The following IGFLR1 variants were observed in gnomAD, a reference collection of about 807,000 sequenced individuals.
IGFLR1 encodes IGF-like family receptor 1.
In IGFLR1, 17 loss-of-function variants were observed where a neutral mutation model predicts 23.4. That is an observed-to-expected ratio of 0.73 (90% CI 0.50 to 1.09). The LOEUF is 1.09. Among genes scored for constraint, IGFLR1 ranks in the 50% least tolerant of loss-of-function variants. The pLI is 0.00. For missense variants in IGFLR1, 556 were observed against 459.2 expected, an observed-to-expected ratio of 1.21 and a Z score of -1.93; for synonymous variants, 265 against 210.7, an observed-to-expected ratio of 1.26 and a Z score of -2.23.
rs140694787 is a variant in IGFLR1 at position 35,739,339 on chromosome 19, G to A, written c.1009C>T (p.Arg337Trp). 2.5e-4 allele frequency: 399 copies of A among 1,610,142 alleles called. No homozygotes were observed. Among genetic ancestry groups the A allele is most frequent in the Non-Finnish European group, 3.2e-4 (376 of 1,178,312 alleles). ...GACAGCACCCGCAATGCATCTGCCCGCCCTAGCTGGGCGAGGTGTGTGCCA... is the reference window on the plus strand; with the variant it reads ...GACAGCACCCGCAATGCATCTGCCCACCCTAGCTGGGCGAGGTGTGTGCCA... Reference protein sequence around the residue: ...QLGTHLAQLGRADALRVLSKL... With the variant: ...QLGTHLAQLGWADALRVLSKL... The change falls in exon 5 of 5, where the codon CGG (arginine) becomes TGG (tryptophan). Residue 337 changes from arginine (R) to tryptophan (W), a missense_variant. Physicochemically the swap from Arg to Trp is moderately radical, Grantham distance 101 (BLOSUM62 -3). Coordinates refer to ENST00000246532, the MANE Select transcript of IGFLR1 (RefSeq NM_024660.4).
Position 35,739,620 on chromosome 19 carries a change from G to C in IGFLR1, c.728C>G (p.Ser243Cys), listed in dbSNP as rs1264783051. 6.2e-7 allele frequency: 1 copy of C among 1,610,622 alleles called. No individual in the cohort carries two copies. The highest frequency in any genetic ancestry group is 2.2e-5 in the East Asian group (1 of 44,762). Residue 243 changes from serine (S) to cysteine (C), a missense_variant, in exon 5 of 5, where the codon TCC (serine) becomes TGC (cysteine). Transcript: ENST00000246532. The part of the protein sequence containing the change: ...SLLPLLSREL[S>C]SLASQPLSRL... ...AGACAGGGGTTGTGACGCCAGACTG[G>C]ACAGTTCTGGAAGAAAGGGGAAGGG...
At chr19:35,742,329 C>G (rs1042253928) in intron 1 of IGFLR1, 67 bp downstream of exon 1, 1 of 1,310,298 alleles carries the variant, frequency 7.6e-7, no homozygotes. Context: ...GGTCTCTCCC[C>G]CTTGAATAAG....
chr19:35,740,822 G>C (rs536196790), intron 2 of IGFLR1: 1 of 647,742 alleles, frequency 1.5e-6, no homozygotes, highest in African/African-American at 1.8e-5. Context: ...CGCCTCTCCA[G>C]CCATATCCAT....
At chr19:35,740,820 C>T in intron 2 of IGFLR1, 1 of 645,378 alleles carries the variant, frequency 1.5e-6, no homozygotes, top group Non-Finnish European at 2.6e-6. Flanking sequence ...CCCGCCTCTC[C>T]AGCCATATCC....
intron 4 of IGFLR1, 42 bp from the exon 5 acceptor site, chr19:35,739,668 T>C: frequency 6.4e-7 from 1 of 1,573,012 alleles, no homozygotes; most frequent in South Asian, 1.2e-5. Flanking sequence ...AGAGCGGGCG[T>C]CCAGTCCACC....
In IGFLR1 at chr19:35,739,956, G is replaced by A; in HGVS notation, c.475C>T (p.Pro159Ser). Residue 159 changes from proline to serine, a missense_variant, in exon 4 of 5, where the codon CCG becomes TCG. Coordinates refer to ENST00000246532, the MANE Select transcript of IGFLR1 (RefSeq NM_024660.4). ...AGCACCACGAGCGGAAGGAAATTCG[G>A]CCAGGCCTGCTGAGGGACAGGCTCA... ...TPEPVPQQAW[P>S]NFLPLVVLVL... The A allele has an allele frequency of 6.2e-7, 1 of 1,614,138 alleles. No individual in the cohort carries two copies. The highest frequency in any genetic ancestry group is 8.5e-7 in the Non-Finnish European group (1 of 1,180,016).
rs749384435 is a variant in IGFLR1 at position 35,739,974 on chromosome 19, C to CA, written c.456dup (p.Val153CysfsTer104). 1.5e-5 allele frequency: 24 copies of CA among 1,614,160 alleles called. No individual in the cohort carries two copies. The Middle Eastern group carries it at 1.3e-3, about 89-fold the overall frequency. On this transcript the variant is annotated frameshift_variant, in exon 4 of 5. Transcript: ENST00000246532. LOFTEE classifies it high-confidence loss of function. ...AAATTCGGCCAGGCCTGCTGAGGGA[C>CA]AGGCTCAGGGGTCCTCCAGGCAATG... is the stretch of plus-strand genomic sequence containing the variant.
chr19:35,739,511 A>G lies in IGFLR1; in HGVS notation c.837T>C (p.His279=). Residue 279 remains histidine, a synonymous_variant, in exon 5 of 5, where the codon CAT becomes CAC. Coordinates refer to ENST00000246532, the MANE Select transcript of IGFLR1 (RefSeq NM_024660.4). ...TTGCGGCCAGGTGTCGAGTAGTGCCATGGGCCATACCCCCACCTGGCCCAG... is the reference window on the plus strand; with the variant it reads ...TTGCGGCCAGGTGTCGAGTAGTGCCGTGGGCCATACCCCCACCTGGCCCAG... The part of the protein sequence containing the change: ...PEPGPGGGMA[H]GTTRHLAARY... 3 of 1,614,060 alleles carry G rather than the reference A, an allele frequency of 1.9e-6. No individual in the cohort carries two copies. The highest frequency in any genetic ancestry group is 1.6e-4 in the Middle Eastern group (1 of 6,062).
chr19:35,739,826 A>C lies in IGFLR1; in HGVS notation c.605T>G (p.Leu202Trp). The C allele has an allele frequency of 6.2e-7, 1 of 1,606,348 alleles. No homozygotes were observed. Among genetic ancestry groups the C allele is most frequent in the Non-Finnish European group, 8.5e-7 (1 of 1,174,260 alleles). ...GTGGGTGTTGGGGACTCCGCAGACC[A>C]AGCCAGGATAGGGATAGGGGTCGGC... is the stretch of plus-strand genomic sequence containing the variant. ...EKADPYPYPG[L>W]VCGVPNTHTP... The change falls in exon 4 of 5, where the codon TTG (leucine) becomes TGG (tryptophan). Residue 202 changes from leucine to tryptophan, a missense_variant. Transcript: ENST00000246532.
Position 35,741,468 on chromosome 19 carries a change from A to C in IGFLR1, c.-43-245T>G, listed in dbSNP as rs1599719008. The stretch of plus-strand genomic sequence containing the variant: ...CCCTCCCTTTTCCATCCCTAAAATA[A>C]GACAATGATAGCACCTGTCTCATAG... On this transcript the variant is annotated intron_variant, in intron 1 of 4. Coordinates refer to ENST00000246532, the MANE Select transcript of IGFLR1 (RefSeq NM_024660.4). 3 of 451,500 alleles carry C rather than the reference A, an allele frequency of 6.6e-6. No homozygotes were observed. In the East Asian group the frequency reaches 1.4e-4, roughly 21 times the overall value. The allele number at this position is 451,500 out of a possible 1,614,324, so 28.0% of individuals were successfully genotyped here.
chr19:35,739,107 G>A lies in IGFLR1; in HGVS notation c.*173C>T, dbSNP rs2146485437. ...GGATTCTGGTGGCCCAGAGGCACCT[G>A]GGGTCAGCCCTCCCACATGTGGCCC... On this transcript the variant is annotated 3_prime_UTR_variant, in exon 5 of 5. Coordinates refer to ENST00000246532, the MANE Select transcript of IGFLR1 (RefSeq NM_024660.4). 1.5e-6 allele frequency: 1 copy of A among 651,020 alleles called. No homozygotes were observed. The highest frequency in any genetic ancestry group is 3.1e-5 in the Admixed American group (1 of 32,322). 40.3% of individuals were successfully genotyped at this position (651,020 alleles called of 1,614,324 possible).
At position 35,739,390 on chromosome 19, in the gene IGFLR1, C is replaced by T. The variant is rs756690029; in HGVS notation, c.958G>A (p.Glu320Lys). The change falls in exon 5 of 5, where the codon GAG (glutamate) becomes AAG (lysine). Residue 320 changes from glutamate to lysine, a missense_variant. By Grantham distance (56) the Glu-to-Lys change is moderately conservative (BLOSUM62 1). Transcript: ENST00000246532. ...RALIEMVVAR[E>K]PSASLGQLGT... is the part of the protein sequence containing the mutation. ...AGCTGGCCCAGGGAGGCAGAGGGCT[C>T]CCTTGCCACCACCATCTCAATCAGA... 4 of 1,613,386 alleles carry T rather than the reference C, an allele frequency of 2.5e-6. No homozygotes were observed.
intron 2 of IGFLR1, 98 bp from the exon 3 acceptor site, chr19:35,740,662 A>T (rs1244990828): frequency 2.5e-6 from 3 of 1,203,236 alleles, no homozygotes; most frequent in Non-Finnish European, 3.5e-6. Flanking sequence ...CCGCCCCTCC[A>T]GGACGCTTCC....
Position 35,738,865 on chromosome 19 carries a change from T to C in IGFLR1, c.*415A>G. 2.1e-6 allele frequency: 1 copy of C among 476,946 alleles called. No homozygotes were observed. The highest frequency in any genetic ancestry group is 3.0e-5 in the South Asian group (1 of 33,004). 29.5% of individuals were successfully genotyped at this position (476,946 alleles called of 1,614,324 possible). On this transcript the variant is annotated 3_prime_UTR_variant, in exon 5 of 5. Transcript: ENST00000246532. The surrounding 1 kb of genome is among the most constrained non-coding windows in gnomAD (Gnocchi z 8.7). The stretch of plus-strand genomic sequence containing the variant: ...GTGGGAACCCCCCCACAATAAAGTC[T>C]GTCAATGTTTGGAGAGGTGGTCTTC...
At position 35,741,034 on chromosome 19, in the gene IGFLR1, G is replaced by A; in HGVS notation, c.147C>T (p.Pro49=). The change falls in exon 2 of 5, where the codon CCC becomes CCT. Residue 49 remains proline, a synonymous_variant. Coordinates refer to ENST00000246532, the MANE Select transcript of IGFLR1 (RefSeq NM_024660.4). ...CSSCLQRFGP[P]PCPDYEFREN... is the part of the protein sequence containing the mutation. Reference sequence around the variant, plus strand: ...GTCTCGGATTCTCACCCGGGCAGGGGGGCGGCCCGAAGCGTTGCAGGCAGC... The same window carrying A: ...GTCTCGGATTCTCACCCGGGCAGGGAGGCGGCCCGAAGCGTTGCAGGCAGC... 1 of 1,611,106 alleles carries A rather than the reference G, an allele frequency of 6.2e-7. No homozygotes were observed. The highest frequency in any genetic ancestry group is 8.5e-7 in the Non-Finnish European group (1 of 1,178,788).
At position 35,739,869 on chromosome 19, in the gene IGFLR1, A is replaced by G; in HGVS notation, c.562T>C (p.Cys188Arg). 1 of 1,614,006 alleles carries G rather than the reference A, an allele frequency of 6.2e-7. No homozygotes were observed. The highest frequency in any genetic ancestry group is 8.5e-7 in the Non-Finnish European group (1 of 1,179,896). Residue 188 changes from cysteine (C) to arginine (R), a missense_variant, in exon 4 of 5, where the codon TGC becomes CGC. Cys to Arg is a radical substitution (Grantham distance 180). Transcript: ENST00000246532. ...ILLFILLWHLCWPKEKADPYP... is the reference protein window; with the variant it reads ...ILLFILLWHLRWPKEKADPYP... ...GGGTCGGCTTTCTCCTTGGGCCAGCAGAGATGCCAGAGCAGAATAAACAGG... is the reference window on the plus strand; with the variant it reads ...GGGTCGGCTTTCTCCTTGGGCCAGCGGAGATGCCAGAGCAGAATAAACAGG...
At chr19:35,740,715 C>T (rs1419254154) in intron 2 of IGFLR1, 151 bp from the exon 3 acceptor site, 3 of 775,454 alleles carry the variant, frequency 3.9e-6, no homozygotes, top group East Asian at 2.8e-5. Context: ...TTTCTCCGGG[C>T]TCGCCTTTTC....
chr19:35,740,303 T>G, intron 3 of IGFLR1, 77 bp downstream of exon 3: 1 of 1,432,740 alleles, frequency 7.0e-7, no homozygotes, highest in Non-Finnish European at 9.2e-7. Context: ...ACCCCTTACG[T>G]GGGGCTACGC....
Position 35,740,003 on chromosome 19 carries a change from C to T in IGFLR1, c.428G>A (p.Ser143Asn). 1 of 1,614,106 alleles carries T rather than the reference C, an allele frequency of 6.2e-7. No individual in the cohort carries two copies. The highest frequency in any genetic ancestry group is 8.5e-7 in the Non-Finnish European group (1 of 1,180,002). ...CTCAGGGGTCCTCCAGGCAATGGAA[C>T]TTGCTGGTGAGCTGCGCTCCTGGGA... ...PSSQERSSPA[S>N]SIAWRTPEPV... The change falls in exon 4 of 5, where the codon AGT becomes AAT. Residue 143 changes from serine (S) to asparagine (N), a missense_variant. Ser to Asn is a conservative substitution (Grantham distance 46, BLOSUM62 1). Coordinates refer to ENST00000246532, the MANE Select transcript of IGFLR1 (RefSeq NM_024660.4).
Sources: allele counts gnomAD v4.1 joint callset, GRCh38; gene constraint gnomAD v4.1.1; non-coding constraint Gnocchi (gnomAD v3.1); transcripts MANE v1.5; gene names NCBI Gene and HGNC (gene_info 2026-07-23, HGNC 2026-07-21).